Variants in UBE2L3 observed in about 807,000 individuals in gnomAD.
UBE2L3 encodes ubiquitin-conjugating enzyme E2 L3.
UBE2L3 carries 1 observed loss-of-function variant against 17.8 expected under a neutral mutation model. The ratio of observed to expected loss-of-function variants is 0.06; its 90% CI spans 0.02 to 0.27. The LOEUF is 0.27. UBE2L3 is among the 10% of genes least tolerant of loss of function. The pLI is 1.00. For synonymous variants in UBE2L3, 44 were observed against 68.5 expected, an observed-to-expected ratio of 0.64 and a Z score of 1.76; for missense variants, 40 against 192.6, an observed-to-expected ratio of 0.21 and a Z score of 4.69.
chr22:21,591,157 C>A (rs1928244988), intron 1 of UBE2L3, among the ~76,000 whole-genome samples: 1 of 152,128 alleles, frequency 6.6e-6, no homozygotes. Flanking sequence ...GAAAGAGGGG[C>A]CTCATGCAGG....
chr22:21,602,575 G>A (rs919347067), intron 2 of UBE2L3, among the ~76,000 whole-genome samples: 5 of 152,234 alleles, frequency 3.3e-5, no homozygotes, highest in African/African-American at 1.2e-4. Context: ...GGGAAAGGAA[G>A]ATTAGATTTG....
intron 1 of UBE2L3, among the ~76,000 whole-genome samples, chr22:21,556,755 C>A (rs1568964242): frequency 1.3e-5 from 2 of 152,242 alleles, no homozygotes; most frequent in African/African-American, 2.4e-5. Context: ...AGCCACCACA[C>A]CTGGCCAATA....
Position 21,610,807 on chromosome 22 carries a change from A to G in UBE2L3, c.124-50A>G, listed in dbSNP as rs201561110. ...CAATTAAAACATTCCTGTCTTGGCC[A>G]TAGGTTTATGAACCATGGTGTGTTC... On this transcript the variant is annotated intron_variant, in intron 2 of 3. Coordinates refer to ENST00000342192, the MANE Select transcript of UBE2L3 (RefSeq NM_003347.4). 1.2e-5 allele frequency: 18 copies of G among 1,491,616 alleles called. No individual in the cohort carries two copies. The African/African-American group carries it at 2.1e-4, about 18-fold the overall frequency. The allele number at this position is 1,491,616 out of a possible 1,614,324, so 92.4% of individuals were successfully genotyped here.
chr22:21,598,194 AAT>A (rs1491236015), intron 2 of UBE2L3, among the ~76,000 whole-genome samples: 2 of 99,518 alleles, frequency 2.0e-5, no homozygotes, highest in Non-Finnish European at 4.3e-5. Context: ...AGGTTTCATT[AAT>A]GTGTGTGTGT....
intron 1 of UBE2L3, among the ~76,000 whole-genome samples, chr22:21,553,026 CTTTAT>C (rs376702499): frequency 0.02 from 138 of 6,858 alleles, 33 homozygotes; most frequent in African/African-American, 0.11. Context: ...GCGCATGGCC[CTTTAT>C]TTTATTTTAT....
intron 1 of UBE2L3, among the ~76,000 whole-genome samples, chr22:21,588,994 A>G (rs1025136390): frequency 2.0e-5 from 3 of 151,924 alleles, no homozygotes; most frequent in Admixed American, 1.3e-4. Flanking sequence ...GTGTTTTGCC[A>G]TGTTGGCCAG....
At chr22:21,557,479 C>T (rs1171646075) in intron 1 of UBE2L3, among the ~76,000 whole-genome samples, 4 of 152,090 alleles carry the variant, frequency 2.6e-5, no homozygotes, top group Admixed American at 6.6e-5. Context: ...ATGCAGGAAG[C>T]GGATGGGGAG....
At chr22:21,559,202 G>A (rs1926343397) in intron 1 of UBE2L3, among the ~76,000 whole-genome samples, 1 of 152,216 alleles carries the variant, frequency 6.6e-6, no homozygotes, top group Admixed American at 6.5e-5. Context: ...ACAAAAATTA[G>A]CCGGACGTGG....
intron 2 of UBE2L3, among the ~76,000 whole-genome samples, chr22:21,601,935 G>A (rs1928883495): frequency 7.2e-6 from 1 of 139,258 alleles, no homozygotes; most frequent in Non-Finnish European, 1.5e-5. Context: ...TTGCGCCACT[G>A]AACTCCAGCC....
In UBE2L3 at chr22:21,567,750, G is replaced by A. The variant is rs1270639708; in HGVS notation, c.6G>A (p.Ala2=). Residue 2 remains alanine, a synonymous_variant, in exon 1 of 4, where the codon GCG becomes GCA. Coordinates refer to ENST00000342192, the MANE Select transcript of UBE2L3 (RefSeq NM_003347.4). ...GGAGCAGCACCAAATCCAAGATGGC[G>A]GCCAGCAGGAGGCTGATGAAGGTAA... M[A]ASRRLMKELE... is the part of the protein sequence containing the mutation. The A allele has an allele frequency of 1.3e-6, 2 of 1,583,480 alleles. No individual in the cohort carries two copies. Among genetic ancestry groups the A allele is most frequent in the Non-Finnish European group, 8.6e-7 (1 of 1,166,450 alleles).
chr22:21,609,649 A>G (rs931120781), intron 2 of UBE2L3, among the ~76,000 whole-genome samples: 9 of 151,918 alleles, frequency 5.9e-5, no homozygotes, highest in Admixed American at 3.3e-4. Context: ...TCAAGGTTGC[A>G]ATGAGCCAAG....
At chr22:21,588,184 T>G (rs1928049782) in intron 1 of UBE2L3, among the ~76,000 whole-genome samples, 1 of 152,210 alleles carries the variant, frequency 6.6e-6, no homozygotes, top group Non-Finnish European at 1.5e-5. Flanking sequence ...TTGGCTTTGG[T>G]CTTCCTAACT....
intron 3 of UBE2L3, among the ~76,000 whole-genome samples, chr22:21,620,721 T>C (rs992816435): frequency 6.6e-6 from 1 of 152,142 alleles, no homozygotes; most frequent in Non-Finnish European, 1.5e-5. Context: ...CAGCTTCCCA[T>C]TGGCTGGCCC....
intron 3 of UBE2L3, among the ~76,000 whole-genome samples, chr22:21,612,825 C>G (rs922189316): frequency 2.6e-5 from 4 of 151,188 alleles, no homozygotes. Flanking sequence ...GTAGTAGAGA[C>G]GGGGTTTCAC....
chr22:21,570,285 T>C (rs189719441), intron 1 of UBE2L3, among the ~76,000 whole-genome samples: 3 of 147,482 alleles, frequency 2.0e-5, no homozygotes, highest in East Asian at 4.4e-4. Context: ...AGGGGACTTA[T>C]TATGGTTTTA....
upstream of UBE2L3, among the ~76,000 whole-genome samples, chr22:21,562,903 A>G (rs1926495292): frequency 6.6e-6 from 1 of 151,630 alleles, no homozygotes; most frequent in Non-Finnish European, 1.5e-5. Context: ...GGTCAATGGG[A>G]GCAGAAGGGC....
chr22:21,614,087 C>T (rs920474583), intron 3 of UBE2L3, among the ~76,000 whole-genome samples: 6 of 152,182 alleles, frequency 3.9e-5, no homozygotes, highest in Non-Finnish European at 7.3e-5. Context: ...TTGCTGCCTC[C>T]TCAGGCCCAC....
intron 2 of UBE2L3, among the ~76,000 whole-genome samples, chr22:21,604,221 T>A (rs1187790731): frequency 6.6e-6 from 1 of 152,310 alleles, no homozygotes; most frequent in East Asian, 1.9e-4. Context: ...TGAAATCAGC[T>A]GGGCGTAGTG....
chr22:21,599,820 G>A lies in UBE2L3; in HGVS notation c.123+6864G>A, dbSNP rs555380142. On this transcript the variant is annotated intron_variant, in intron 2 of 3. Transcript: ENST00000342192. ...TTTGTTTTTTTCACTTCTATTTTTG[G>A]TGTGAGTGCTGTATTTTTTCCATTC... is the stretch of plus-strand genomic sequence containing the variant. Among the ~76,000 whole-genome samples the A allele has an allele frequency of 4.9e-4, 75 of 152,230 alleles. 1 individual carries two copies. The highest frequency in any genetic ancestry group is 2.6e-3 in the Admixed American group (40 of 15,272).
Sources: gnomAD v4.1 joint callset for allele counts (sites outside exome capture counted in the v4.1 genomes callset) on GRCh38, gnomAD v4.1.1 for gene constraint, MANE v1.5 for transcripts, NCBI Gene and HGNC (gene_info 2026-07-23, HGNC 2026-07-21) for gene names.